Variants in XDH observed in about 807,000 individuals in gnomAD.
The protein encoded by XDH is xanthine dehydrogenase, also known as xanthine dehydrogenase/oxidase.
A neutral mutation model predicts 156.1 loss-of-function variants in XDH; 138 were observed. The ratio of observed to expected loss-of-function variants is 0.88; its 90% CI spans 0.77 to 1.02. The LOEUF (loss-of-function observed/expected upper bound fraction) is 1.02. Ranked by LOEUF, XDH falls within the 50% of genes least tolerant of loss-of-function variation. XDH has a pLI of 0.00. For missense variants in XDH, 1,849 were observed against 1,684.9 expected (o/e 1.10, Z -1.71); for synonymous variants, 669 against 625.7 (o/e 1.07, Z -1.03).
intron 32 of XDH, 109 bp downstream of exon 32, chr2:31,342,073 AG>A: frequency 3.0e-6 from 3 of 986,206 alleles, no homozygotes; most frequent in Non-Finnish European, 4.7e-6. Context: ...CCTTAATGGA[AG>A]GCATTATTTT....
At chr2:31,340,958 A>G (rs1685108330) in intron 33 of XDH, among the ~76,000 whole-genome samples, 1 of 152,110 alleles carries the variant, frequency 6.6e-6, no homozygotes, top group Non-Finnish European at 1.5e-5. Context: ...GAAGACAGAA[A>G]ACTCTTCTGA....
intron 1 of XDH, among the ~76,000 whole-genome samples, chr2:31,412,883 A>T (rs576064539): frequency 2.6e-4 from 39 of 152,324 alleles, no homozygotes; most frequent in African/African-American, 9.1e-4. Flanking sequence ...AATTACAAAC[A>T]TGGATATTCA....
chr2:31,349,622 C>G, intron 26 of XDH, 64 bp downstream of exon 26: 1 of 1,580,296 alleles, frequency 6.3e-7, no homozygotes, highest in Non-Finnish European at 8.7e-7. Flanking sequence ...TATATGGGGT[C>G]AGCAGAAAGG....
chr2:31,359,420 G>A (rs1558684845), intron 24 of XDH, among the ~76,000 whole-genome samples: 1 of 150,882 alleles, frequency 6.6e-6, no homozygotes, highest in Non-Finnish European at 1.5e-5. Context: ...TAGTACAGGC[G>A]AAGTGTCCTA....
rs200993896 is a variant in XDH, at chr2:31,414,591, A to G, written c.42+34T>C. 4 of 1,613,362 alleles carry G rather than the reference A, an allele frequency of 2.5e-6. No individual in the cohort carries two copies. The African/African-American group carries it at 5.3e-5, about 22-fold the overall frequency. On this transcript the variant is annotated intron_variant, in intron 1 of 35. Transcript: ENST00000379416. Reference sequence around the variant, plus strand: ...GGACACATTTCCCCTCCCAGGGAGAAGGGACACAAAACCAAAGGTCAGCTC... The same window carrying G: ...GGACACATTTCCCCTCCCAGGGAGAGGGGACACAAAACCAAAGGTCAGCTC...
At chr2:31,349,914 C>T (rs1228886009) in intron 25 of XDH, 83 bp from the exon 26 acceptor site, 2 of 1,611,852 alleles carry the variant, frequency 1.2e-6, no homozygotes, top group Non-Finnish European at 1.7e-6. Flanking sequence ...AAGCTTCCAA[C>T]CCCCTCAGCA....
At chr2:31,374,766 T>C (rs1298919895) in intron 15 of XDH, among the ~76,000 whole-genome samples, 1 of 152,158 alleles carries the variant, frequency 6.6e-6, no homozygotes, top group Admixed American at 6.5e-5. Flanking sequence ...ATTGTCCATG[T>C]TCTCCCCGAC....
intron 3 of XDH, 93 bp from the exon 4 acceptor site, chr2:31,401,421 T>C (rs1261496718): frequency 3.1e-6 from 4 of 1,287,310 alleles, no homozygotes; most frequent in Non-Finnish European, 4.4e-6. Context: ...TGTGAGGCTT[T>C]ATGTTACGTC....
At chr2:31,361,215 C>A (rs748801948) in intron 24 of XDH, among the ~76,000 whole-genome samples, 19 of 152,226 alleles carry the variant, frequency 1.2e-4, no homozygotes, top group Non-Finnish European at 2.1e-4. Flanking sequence ...AACAGCCCAG[C>A]AATCTTTACT....
intron 2 of XDH, 120 bp downstream of exon 2, chr2:31,405,786 CA>C: frequency 2.8e-6 from 3 of 1,061,262 alleles, no homozygotes; most frequent in Non-Finnish European, 4.4e-6. Flanking sequence ...AGTCCTAATC[CA>C]GTGCTCTTTC....
intron 24 of XDH, among the ~76,000 whole-genome samples, chr2:31,354,990 T>C (rs971343661): frequency 3.3e-5 from 5 of 152,198 alleles, no homozygotes; most frequent in Non-Finnish European, 5.9e-5. Context: ...CCTATCATAA[T>C]TAAACTTCTG....
rs149729487 is a variant in XDH at position 31,407,365 on chromosome 2, G to A, written c.43-1401C>T. On this transcript the variant is annotated intron_variant, in intron 1 of 35. Transcript: ENST00000379416. ...GTAGAGCAGAGGATGTGGAAGTGTC[G>A]CCTATGGATGTAATGCAAGCCATTC... 5.4e-3 allele frequency among the ~76,000 whole-genome samples: 815 copies of A among 152,238 alleles called. 8 individuals are homozygous for A. Among genetic ancestry groups the A allele is most frequent in the African/African-American group, 0.019 (780 of 41,534 alleles).
rs926733813 is a variant in XDH at position 31,401,125 on chromosome 2, C to G, written c.306+95G>C. ...CTTAGATTAAGCAGTGAAACTCTTC[C>G]CAACAACCCAAAGCAAGTCTGCAAC... On this transcript the variant is annotated intron_variant, in intron 4 of 35. Coordinates refer to ENST00000379416, the MANE Select transcript of XDH (RefSeq NM_000379.4). The G allele has an allele frequency of 1.6e-5, 22 of 1,409,142 alleles. No individual in the cohort carries two copies. In the African/African-American group the frequency reaches 3.0e-4, roughly 19 times the overall value. 87.3% of individuals were successfully genotyped at this position (1,409,142 alleles called of 1,614,324 possible). A position where few individuals can be genotyped will look rare whatever the true frequency, so the allele number is the denominator to read the frequency against.
intron 31 of XDH, among the ~76,000 whole-genome samples, chr2:31,343,829 T>C (rs1032495385): frequency 6.6e-6 from 1 of 151,130 alleles, no homozygotes; most frequent in Admixed American, 6.6e-5. Flanking sequence ...CATATATATG[T>C]TCATATATAT....
chr2:31,336,092 C>T (rs565884216), intron 35 of XDH, 84 bp from the exon 36 acceptor site: 189 of 1,426,598 alleles, frequency 1.3e-4, no homozygotes, highest in Non-Finnish European at 1.8e-4. Context: ...CCTCCCACCA[C>T]TGCCAACCAT....
In XDH at chr2:31,348,497, G is replaced by C. The variant is rs1685364720; in HGVS notation, c.3052-134C>G. 5.1e-6 allele frequency: 4 copies of C among 788,706 alleles called. No individual in the cohort carries two copies. The South Asian group carries it at 5.9e-5, about 12-fold the overall frequency. The allele number at this position is 788,706 out of a possible 1,614,324, so 48.9% of individuals were successfully genotyped here. A position where few individuals can be genotyped will look rare whatever the true frequency, so the allele number is the denominator to read the frequency against. On this transcript the variant is annotated intron_variant, in intron 27 of 35. Coordinates refer to ENST00000379416, the MANE Select transcript of XDH (RefSeq NM_000379.4). Reference sequence around the variant, plus strand: ...ATGTAAACCTCAGACAAAAATTATGGCAGTATGAATCTCATGATTTAATTA... The same window carrying C: ...ATGTAAACCTCAGACAAAAATTATGCCAGTATGAATCTCATGATTTAATTA...
At chr2:31,395,744 CA>C (rs1266721409) in intron 6 of XDH, among the ~76,000 whole-genome samples, 1 of 152,194 alleles carries the variant, frequency 6.6e-6, no homozygotes. Context: ...TCTGTCTCTC[CA>C]ATTTTTTGGA....
In XDH at chr2:31,350,082, C is replaced by A; in HGVS notation, c.2773G>T (p.Glu925Ter). The A allele has an allele frequency of 6.2e-7, 1 of 1,614,228 alleles. No individual in the cohort carries two copies. The highest frequency in any genetic ancestry group is 8.5e-7 in the Non-Finnish European group (1 of 1,180,042). Residue 925 changes from glutamate (E) to a stop codon, truncating the protein, a stop_gained, in exon 25 of 36, where the codon GAG becomes TAG. Transcript: ENST00000379416. LOFTEE classifies it high-confidence loss of function. ...ACTGCAACTTCACTCATCCAGCACT[C>A]GGCAATGAGCATCCCCTGGGGCCCC... ...FGGPQGMLIA[E>*]CWMSEVAVTC...
In XDH at chr2:31,342,873, T is replaced by C. The variant is rs1024208595; in HGVS notation, c.3405-576A>G. Among the ~76,000 whole-genome samples, 5 of 152,216 alleles carry C rather than the reference T, an allele frequency of 3.3e-5. No individual in the cohort carries two copies. The East Asian group carries it at 7.7e-4, about 23-fold the overall frequency. On this transcript the variant is annotated intron_variant, in intron 31 of 35. Coordinates refer to ENST00000379416, the MANE Select transcript of XDH (RefSeq NM_000379.4). ...ACGAATAGAAACAAATGCTCCCTTA[T>C]ACATTTTTAAAATTTTCAATCTGGA...
Sources: gnomAD v4.1 joint callset for allele counts (sites outside exome capture counted in the v4.1 genomes callset) on GRCh38, gnomAD v4.1.1 for gene constraint, MANE v1.5 for transcripts, NCBI Gene and HGNC (gene_info 2026-07-23, HGNC 2026-07-21) for gene names.